The following ARHGAP9 variants were observed in gnomAD, a reference collection of about 807,000 sequenced individuals.
ARHGAP9 encodes rho GTPase-activating protein 9.
ARHGAP9 carries 76 observed loss-of-function variants against 87.3 expected under a neutral mutation model. The ratio of observed to expected loss-of-function variants is 0.87; its 90% CI spans 0.72 to 1.05. ARHGAP9 has a LOEUF of 1.05. Among genes scored for constraint, ARHGAP9 ranks in the 50% least tolerant of loss-of-function variants. ARHGAP9 has a pLI of 0.00. For synonymous variants in ARHGAP9, 382 were observed against 394.9 expected, an observed-to-expected ratio of 0.97 and a Z score of 0.39; for missense variants, 941 against 960.5, an observed-to-expected ratio of 0.98 and a Z score of 0.27.
Position 57,479,272 on chromosome 12 carries a change from C to T in ARHGAP9, c.135G>A (p.Leu45=). 6.2e-7 allele frequency: 1 copy of T among 1,614,216 alleles called. No individual in the cohort carries two copies. The change falls in exon 2 of 18, where the codon CTG becomes CTA. Residue 45 remains leucine (L), a synonymous_variant. Transcript: ENST00000393791. Reference sequence around the variant, plus strand: ...GCAGTAGGAACCTATCCCCTTCAGCCAGAGACACCTGCTGGCCATCTGCCC... The same window carrying T: ...GCAGTAGGAACCTATCCCCTTCAGCTAGAGACACCTGCTGGCCATCTGCCC... ...YTGADGQQVS[L]AEGDRFLLLR...
chr12:57,480,852 G>A, upstream of ARHGAP9: 1 of 1,549,680 alleles, frequency 6.5e-7, no homozygotes, highest in Non-Finnish European at 8.7e-7. Flanking sequence ...GGTTTGGAGA[G>A]GTGGGTTAAG....
At chr12:57,478,296 C>A in intron 3 of ARHGAP9, 1 of 512,892 alleles carries the variant, frequency 1.9e-6, no homozygotes, top group Non-Finnish European at 3.5e-6. Flanking sequence ...CAGTTTGCCT[C>A]TCGGCTGCCT....
intron 1 of ARHGAP9, chr12:57,488,353 C>T: frequency 1.3e-6 from 1 of 749,514 alleles, no homozygotes; most frequent in Non-Finnish European, 2.2e-6. Context: ...GCCTTCTTCC[C>T]TCCCAGTCAC....
chr12:57,472,410 TAG>T lies in ARHGAP9; in HGVS notation c.*105_*106del. On this transcript the variant is annotated 3_prime_UTR_variant, in exon 18 of 18. Coordinates refer to ENST00000393791, the MANE Select transcript of ARHGAP9 (RefSeq NM_032496.4). ...ACACCTCAAGTCACACTCATGAAGA[TAG>T]AGACAGTCATTTGGGAGATTTAAAG... The T allele has an allele frequency of 7.3e-7, 1 of 1,361,176 alleles. No homozygotes were observed. Among genetic ancestry groups the T allele is most frequent in the Non-Finnish European group, 9.8e-7 (1 of 1,018,416 alleles). The allele number at this position is 1,361,176 out of a possible 1,614,324, so 84.3% of individuals were successfully genotyped here.
At position 57,479,790 on chromosome 12, in the gene ARHGAP9, T is replaced by G. The variant is rs1172022076; in HGVS notation, c.-79A>C. Reference sequence around the variant, plus strand: ...TTGGTCCTGGGTAGTGGTGGGAGTCTTGAGGTGGACACAGGAAGGAGATAA... The same window carrying G: ...TTGGTCCTGGGTAGTGGTGGGAGTCGTGAGGTGGACACAGGAAGGAGATAA... On this transcript the variant is annotated 5_prime_UTR_variant, in exon 1 of 18. Transcript: ENST00000393791. 1 of 1,548,292 alleles carries G rather than the reference T, an allele frequency of 6.5e-7. No homozygotes were observed. The highest frequency in any genetic ancestry group is 8.7e-7 in the Non-Finnish European group (1 of 1,145,994).
At chr12:57,475,780 C>T in intron 10 of ARHGAP9, 53 bp downstream of exon 10, 1 of 1,596,712 alleles carries the variant, frequency 6.3e-7, no homozygotes, top group Non-Finnish European at 8.5e-7. Flanking sequence ...TCCTACCCCA[C>T]TCCCTTGGTC....
Position 57,488,391 on chromosome 12 carries a change from A to G in ARHGAP9, c.-204+221T>C, listed in dbSNP as rs1410392964. 6 of 726,648 alleles carry G rather than the reference A, an allele frequency of 8.3e-6. No individual in the cohort carries two copies. The South Asian group carries it at 9.1e-5, about 11-fold the overall frequency. The allele number at this position is 726,648 out of a possible 1,614,324, so 45.0% of individuals were successfully genotyped here. A position where few individuals can be genotyped will look rare whatever the true frequency, so the allele number is the denominator to read the frequency against. On this transcript the variant is annotated intron_variant, in intron 1 of 20. Transcript: ENST00000393797. Reference sequence around the variant, plus strand: ...CTTTCACTTCCTTTAATTACCCTCAATATAATACCCTTCCCTTATCTCTCT... The same window carrying G: ...CTTTCACTTCCTTTAATTACCCTCAGTATAATACCCTTCCCTTATCTCTCT...
intron 7 of ARHGAP9, 30 bp downstream of exon 7, chr12:57,476,560 C>T: frequency 6.2e-7 from 1 of 1,614,006 alleles, no homozygotes; most frequent in Non-Finnish European, 8.5e-7. Flanking sequence ...AGTTGACAGC[C>T]CAGGCCCTAG....
Position 57,474,661 on chromosome 12 carries a change from GCCAAGTTCCCGCTCAC to G in ARHGAP9, c.1678_1693del (p.Val560GlnfsTer34). 1 of 1,614,174 alleles carries G rather than the reference GCCAAGTTCCCGCTCAC, an allele frequency of 6.2e-7. No homozygotes were observed. Among genetic ancestry groups the G allele is most frequent in the Non-Finnish European group, 8.5e-7 (1 of 1,180,040 alleles). On this transcript the variant is annotated frameshift_variant, in exon 14 of 18. Coordinates refer to ENST00000393791, the MANE Select transcript of ARHGAP9 (RefSeq NM_032496.4). LOFTEE classifies it high-confidence loss of function. ...CAGAAAGCGAAGCTTCTGGACCACT[GCCAAGTTCCCGCTCAC>G]CCGATAAATGCCATCCACATCTAGA...
At position 57,477,667 on chromosome 12, in the gene ARHGAP9, G is replaced by A. The variant is rs1464961586; in HGVS notation, c.548C>T (p.Pro183Leu). The change falls in exon 4 of 18, where the codon CCC becomes CTC. Residue 183 changes from proline (P) to leucine (L), a missense_variant. Pro to Leu is a moderately conservative substitution (Grantham distance 98). Transcript: ENST00000393791. ...GTACACAGGGGGCTCTGACATGAGG[G>A]GCTGGGGGCCTGCCTGCCAGAAAAG... The part of the protein sequence containing the change: ...EASASTAGPQ[P>L]LMSEPPVYCN... 6 of 1,612,172 alleles carry A rather than the reference G, an allele frequency of 3.7e-6. No individual in the cohort carries two copies. Among genetic ancestry groups the A allele is most frequent in the African/African-American group, 2.7e-5 (2 of 74,798 alleles).
At position 57,477,464 on chromosome 12, in the gene ARHGAP9, C is replaced by T. The variant is rs139873901; in HGVS notation, c.751G>A (p.Glu251Lys). 2.8e-4 allele frequency: 453 copies of T among 1,614,032 alleles called. 1 individual carries two copies. The highest frequency in any genetic ancestry group is 5.2e-4 in the Admixed American group (31 of 59,988). The change falls in exon 4 of 18, where the codon GAG (glutamate) becomes AAG (lysine). Residue 251 changes from glutamate (E) to lysine (K), a missense_variant. Glu to Lys is a moderately conservative substitution (Grantham distance 56). Transcript: ENST00000393791. Reference sequence around the variant, plus strand: ...AGCAGGAGGTAAGGTCTCACCGTCTCGCTGCGACTGCGGCGCGGGGGCTTC... The same window carrying T: ...AGCAGGAGGTAAGGTCTCACCGTCTTGCTGCGACTGCGGCGCGGGGGCTTC... ...SWKPPRRSRS[E>K]TNPGSMEGTQ...
intron 4 of ARHGAP9, 86 bp downstream of exon 4, chr12:57,477,373 C>G: frequency 6.5e-7 from 1 of 1,542,092 alleles, no homozygotes; most frequent in Non-Finnish European, 8.8e-7. Flanking sequence ...TCTGAGAGCC[C>G]CGGAGAGAAA....
At chr12:57,478,074 G>T in intron 3 of ARHGAP9, 1 of 685,914 alleles carries the variant, frequency 1.5e-6, no homozygotes, top group Non-Finnish European at 2.0e-6. Context: ...TCCACCCACG[G>T]TTAAGAAAGA....
At chr12:57,473,295 C>A (rs758512527) in intron 17 of ARHGAP9, among the ~76,000 whole-genome samples, 1 of 152,078 alleles carries the variant, frequency 6.6e-6, no homozygotes, top group African/African-American at 2.4e-5. Flanking sequence ...CACCTGTAAT[C>A]CCAGTTACTC....
exon 1 of ARHGAP9, chr12:57,488,695 C>T: frequency 6.6e-7 from 1 of 1,508,048 alleles, no homozygotes. Context: ...TTTTGTTCTC[C>T]CACTGTGACC....
Position 57,476,178 on chromosome 12 carries a change from G to A in ARHGAP9, c.1117-12C>T, listed in dbSNP as rs1462098801. 1 of 1,533,672 alleles carries A rather than the reference G, an allele frequency of 6.5e-7. No individual in the cohort carries two copies. Among genetic ancestry groups the A allele is most frequent in the South Asian group, 1.2e-5 (1 of 82,292 alleles). The stretch of plus-strand genomic sequence containing the variant: ...CTACCCGCTGGTCCCTGACAATGAG[G>A]GAGGAAACTGAGGCCACGGTGTTGT... On this transcript the variant is annotated splice_polypyrimidine_tract_variant and intron_variant, in intron 8 of 17. Coordinates refer to ENST00000393791, the MANE Select transcript of ARHGAP9 (RefSeq NM_032496.4).
At chr12:57,484,558 C>T (rs1048797199), upstream of ARHGAP9, among the ~76,000 whole-genome samples, 2 of 152,148 alleles carry the variant, frequency 1.3e-5, no homozygotes, top group African/African-American at 2.4e-5. Context: ...CTTCTACAGT[C>T]ACTTCTACAG....
Position 57,477,666 on chromosome 12 carries a change from G to A in ARHGAP9, c.549C>T (p.Pro183=). Residue 183 remains proline, a synonymous_variant, in exon 4 of 18, where the codon CCC becomes CCT. Coordinates refer to ENST00000393791, the MANE Select transcript of ARHGAP9 (RefSeq NM_032496.4). ...AGTACACAGGGGGCTCTGACATGAGGGGCTGGGGGCCTGCCTGCCAGAAAA... is the reference window on the plus strand; with the variant it reads ...AGTACACAGGGGGCTCTGACATGAGAGGCTGGGGGCCTGCCTGCCAGAAAA... ...EASASTAGPQ[P]LMSEPPVYCN... The A allele has an allele frequency of 1.2e-6, 2 of 1,612,406 alleles. No homozygotes were observed. Among genetic ancestry groups the A allele is most frequent in the South Asian group, 1.1e-5 (1 of 91,036 alleles).
At chr12:57,480,808 C>T (rs1398260721), upstream of ARHGAP9, 4 of 1,550,470 alleles carry the variant, frequency 2.6e-6, no homozygotes, top group East Asian at 9.8e-5. Context: ...CTTCTCTCAG[C>T]TTCTCCACTG....
Sources: allele counts gnomAD v4.1 joint callset (sites outside exome capture counted in the v4.1 genomes callset), GRCh38; gene constraint gnomAD v4.1.1; transcripts MANE v1.5; gene names NCBI Gene and HGNC (gene_info 2026-07-23, HGNC 2026-07-21).